IMPG1: variants seen among roughly 807,000 people sequenced by gnomAD.
IMPG1 encodes interphotoreceptor matrix proteoglycan of 150 kDa.
In IMPG1, 85 loss-of-function variants were observed where a neutral mutation model predicts 92.0. That is an observed-to-expected ratio of 0.92 (90% confidence interval 0.78 to 1.11). The LOEUF (loss-of-function observed/expected upper bound fraction) is 1.11, where lower values mean the gene tolerates loss of function less well. IMPG1 is among the 50% of genes least tolerant of loss of function. The pLI, the probability that IMPG1 is intolerant of heterozygous loss-of-function variation, is 0.00. For missense variants in IMPG1, 1,022 were observed against 956.0 expected, an observed-to-expected ratio of 1.07 and a Z score of -0.91; for synonymous variants, 367 against 334.1, an observed-to-expected ratio of 1.10 and a Z score of -1.08.
intron 12 of IMPG1, among the ~76,000 whole-genome samples, chr6:75,986,475 G>A (rs930885511): frequency 6.6e-6 from 1 of 152,186 alleles, no homozygotes; most frequent in Non-Finnish European, 1.5e-5. Context: ...TGAATTGATG[G>A]AGGACACTGA....
intron 7 of IMPG1, 109 bp downstream of exon 7, chr6:76,018,609 A>G: frequency 1.0e-6 from 1 of 999,202 alleles, no homozygotes; most frequent in Non-Finnish European, 1.4e-6. Context: ...ATGGTTAAAC[A>G]TGAATGCCAG....
chr6:76,058,627 A>G (rs550851151), intron 1 of IMPG1, among the ~76,000 whole-genome samples: 1 of 152,208 alleles, frequency 6.6e-6, no homozygotes, highest in African/African-American at 2.4e-5. Flanking sequence ...TCTTAACTAC[A>G]TTGTTATCAC....
chr6:75,937,441 A>G (rs1781764335), intron 14 of IMPG1, among the ~76,000 whole-genome samples: 1 of 151,976 alleles, frequency 6.6e-6, no homozygotes, highest in Admixed American at 6.6e-5. Context: ...TCCTTTTTGT[A>G]AAGAAGTTAT....
intron 1 of IMPG1, among the ~76,000 whole-genome samples, chr6:76,055,828 C>A (rs1041002969): frequency 2.0e-5 from 3 of 151,868 alleles, no homozygotes; most frequent in African/African-American, 7.2e-5. Context: ...ATATGAAATG[C>A]ATAAATTTGT....
At chr6:75,926,082 AGAATGCCAGG>A (rs1781544489) in intron 15 of IMPG1, among the ~76,000 whole-genome samples, 1 of 152,168 alleles carries the variant, frequency 6.6e-6, no homozygotes, top group Non-Finnish European at 1.5e-5. Flanking sequence ...GGAGGCTTTG[AGAATGCCAGG>A]GAAGGGGCAG....
chr6:76,052,925 A>C (rs774136602), intron 1 of IMPG1, among the ~76,000 whole-genome samples: 3 of 152,190 alleles, frequency 2.0e-5, no homozygotes, highest in Non-Finnish European at 4.4e-5. Context: ...GATTTCATAC[A>C]TGGCTGCCTA....
At chr6:75,924,713 A>T (rs377335114) in intron 15 of IMPG1, among the ~76,000 whole-genome samples, 322 of 9,436 alleles carry the variant, frequency 0.034, 95 homozygotes, top group African/African-American at 0.084. Context: ...TATAATATAT[A>T]ATATATAATA....
chr6:75,965,838 A>G (rs958943160), intron 12 of IMPG1, among the ~76,000 whole-genome samples: 1 of 151,976 alleles, frequency 6.6e-6, no homozygotes, highest in African/African-American at 2.4e-5. Flanking sequence ...CGATCTCCTG[A>G]CCTTGTGATC....
chr6:75,934,515 A>G (rs1582051270), intron 14 of IMPG1, among the ~76,000 whole-genome samples: 1 of 152,278 alleles, frequency 6.6e-6, no homozygotes, highest in Middle Eastern at 3.4e-3. Context: ...CGTGTGATCA[A>G]AAAGCATTTA....
chr6:76,024,742 A>G (rs1358424029), intron 5 of IMPG1, among the ~76,000 whole-genome samples: 2 of 152,206 alleles, frequency 1.3e-5, no homozygotes, highest in East Asian at 3.8e-4. Context: ...GTCAGATACA[A>G]TGATGCAATG....
intron 12 of IMPG1, among the ~76,000 whole-genome samples, chr6:75,985,421 A>G (rs533841962): frequency 6.6e-6 from 1 of 152,300 alleles, no homozygotes; most frequent in South Asian, 2.1e-4. Context: ...GGTAGCCAGC[A>G]TTTTCCAGGT....
Position 75,935,043 on chromosome 6 carries a change from GTC to G in IMPG1, c.2045-3894_2045-3893del, listed in dbSNP as rs752273854. 3.6e-4 allele frequency: 167 copies of G among 470,170 alleles called. 2 individuals carry two copies. The highest frequency in any genetic ancestry group is 1.4e-3 in the South Asian group (92 of 64,474). 29.1% of individuals were successfully genotyped at this position (470,170 alleles called of 1,614,324 possible). On this transcript the variant is annotated intron_variant, in intron 14 of 16. Transcript: ENST00000369950. Reference sequence around the variant, plus strand: ...GCTGGCTGGGCTGAGGTCCCGTTGGGTCTCTCTTTCGTGGACGTTTTTTCCAA... The same window carrying G: ...GCTGGCTGGGCTGAGGTCCCGTTGGGTCTCTTTCGTGGACGTTTTTTCCAA...
chr6:76,001,586 G>A (rs958954123), intron 12 of IMPG1, among the ~76,000 whole-genome samples: 2 of 152,178 alleles, frequency 1.3e-5, no homozygotes, highest in Admixed American at 6.5e-5. Flanking sequence ...AAGCAACCCT[G>A]TGGAGAGACC....
Position 75,930,958 on chromosome 6 carries a change from T to C in IMPG1, c.2238A>G (p.Pro746=). The C allele has an allele frequency of 1.2e-6, 2 of 1,614,070 alleles. No homozygotes were observed. Among genetic ancestry groups the C allele is most frequent in the Non-Finnish European group, 1.7e-6 (2 of 1,179,886 alleles). ...CGTTAGCATGCTTGACCCACCTGCATGGAGCTCCCTTTCCCTGGAGGACCT... is the reference window on the plus strand; with the variant it reads ...CGTTAGCATGCTTGACCCACCTGCACGGAGCTCCCTTTCCCTGGAGGACCT... The part of the protein sequence containing the change: ...ECEVLQGKGA[P]CRLPDHSENQ... The change falls in exon 15 of 17, where the codon CCA becomes CCG. Residue 746 remains proline, a synonymous_variant. Coordinates refer to ENST00000369950, the MANE Select transcript of IMPG1 (RefSeq NM_001563.4).
intron 12 of IMPG1, among the ~76,000 whole-genome samples, chr6:76,000,507 T>A (rs1782969059): frequency 6.6e-6 from 1 of 152,190 alleles, no homozygotes; most frequent in African/African-American, 2.4e-5. Flanking sequence ...TTTAAAATGA[T>A]GTAGGATTTT....
chr6:75,981,791 G>C (rs933209433), intron 12 of IMPG1, among the ~76,000 whole-genome samples: 1 of 152,226 alleles, frequency 6.6e-6, no homozygotes, highest in African/African-American at 2.4e-5. Flanking sequence ...AAGAAGGAAA[G>C]AATGCAAGAG....
In IMPG1 at chr6:76,005,541, A is replaced by G. The variant is rs763450490; in HGVS notation, c.888-7T>C. On this transcript the variant is annotated splice_polypyrimidine_tract_variant and splice_region_variant and intron_variant, in intron 9 of 16. Transcript: ENST00000369950. ...CATCTCTGTGGAGCTTGAGCTGTAG[A>G]TAGCAGAGGACACATTCCCCACCCA... 6 of 1,613,128 alleles carry G rather than the reference A, an allele frequency of 3.7e-6. No homozygotes were observed. Among genetic ancestry groups the G allele is most frequent in the Admixed American group, 1.7e-5 (1 of 59,918 alleles).
At chr6:75,922,371 A>G (rs767468098) in intron 16 of IMPG1, among the ~76,000 whole-genome samples, 1 of 152,160 alleles carries the variant, frequency 6.6e-6, no homozygotes, top group African/African-American at 2.4e-5. Flanking sequence ...GCCTATTTAG[A>G]TTCTCAGGCT....
chr6:76,063,065 A>C (rs1040338627), intron 1 of IMPG1, among the ~76,000 whole-genome samples: 1 of 151,928 alleles, frequency 6.6e-6, no homozygotes, highest in African/African-American at 2.4e-5. Flanking sequence ...TTAGCCAGGC[A>C]TGGTGGCAGG....
Sources: gnomAD v4.1 joint callset for allele counts (sites outside exome capture counted in the v4.1 genomes callset) on GRCh38, gnomAD v4.1.1 for gene constraint, MANE v1.5 for transcripts, NCBI Gene and HGNC (gene_info 2026-07-23, HGNC 2026-07-21) for gene names.